The following SLC14A2 variants were observed in gnomAD, a reference collection of about 807,000 sequenced individuals.
SLC14A2 encodes urea transporter 2.
In SLC14A2, 91 loss-of-function variants were observed where a neutral mutation model predicts 104.6. The observed-to-expected ratio is 0.87, with a 90% CI of 0.73 to 1.04. The LOEUF is 1.04. Ranked by LOEUF, SLC14A2 falls within the 50% of genes least tolerant of loss-of-function variation. SLC14A2 has a pLI of 0.00. For missense variants in SLC14A2, 1,189 were observed against 1,156.0 expected, an observed-to-expected ratio of 1.03 and a Z score of -0.41; for synonymous variants, 476 against 466.4, an observed-to-expected ratio of 1.02 and a Z score of -0.27.
chr18:45,496,105 C>T (rs951053509), intron 2 of SLC14A2, among the ~76,000 whole-genome samples: 1 of 152,178 alleles, frequency 6.6e-6, no homozygotes, highest in African/African-American at 2.4e-5. Context: ...AGATGATTCC[C>T]ATTACCAAGG....
At chr18:45,391,573 C>T (rs1427042740) in intron 1 of SLC14A2, among the ~76,000 whole-genome samples, 1 of 152,172 alleles carries the variant, frequency 6.6e-6, no homozygotes, top group Non-Finnish European at 1.5e-5. Context: ...TTCTCCACAT[C>T]CTCTCCAGCA....
At chr18:45,418,330 G>A (rs1188740131) in intron 1 of SLC14A2, among the ~76,000 whole-genome samples, 1 of 152,206 alleles carries the variant, frequency 6.6e-6, no homozygotes, top group Non-Finnish European at 1.5e-5. Context: ...GAGTGGCACA[G>A]AAGTGCCACT....
intron 2 of SLC14A2, among the ~76,000 whole-genome samples, chr18:45,580,280 T>C (rs2044471265): frequency 6.6e-6 from 1 of 152,148 alleles, no homozygotes; most frequent in Non-Finnish European, 1.5e-5. Flanking sequence ...GCATGTACAA[T>C]AAAAGTGTCA....
At chr18:45,639,667 A>C in intron 6 of SLC14A2, 79 bp from the exon 7 acceptor site, 4 of 1,417,786 alleles carry the variant, frequency 2.8e-6, no homozygotes, top group Non-Finnish European at 3.9e-6. Flanking sequence ...CCCCCGAGGA[A>C]TGGCTCAAAT....
At chr18:45,420,942 T>C (rs1438434936) in intron 1 of SLC14A2, among the ~76,000 whole-genome samples, 4 of 152,100 alleles carry the variant, frequency 2.6e-5, no homozygotes, top group Non-Finnish European at 4.4e-5. Context: ...GGTTTCACCA[T>C]GTTGGCCAGA....
intron 1 of SLC14A2, among the ~76,000 whole-genome samples, chr18:45,311,855 G>A (rs970194214): frequency 1.3e-5 from 2 of 152,210 alleles, no homozygotes; most frequent in Admixed American, 6.5e-5. Context: ...ATGGAGATGG[G>A]GAGATAGTGG....
At chr18:45,505,874 C>G (rs535658148) in intron 2 of SLC14A2, among the ~76,000 whole-genome samples, 7 of 152,292 alleles carry the variant, frequency 4.6e-5, no homozygotes, top group Non-Finnish European at 1.0e-4. Context: ...AAGTAGCTGA[C>G]TGGGATGTGT....
At chr18:45,378,201 A>C (rs2085795896) in intron 1 of SLC14A2, among the ~76,000 whole-genome samples, 1 of 142,578 alleles carries the variant, frequency 7.0e-6, no homozygotes, top group Non-Finnish European at 1.5e-5. Flanking sequence ...TTATTTCTGA[A>C]TTCTCTGGAG....
intron 6 of SLC14A2, among the ~76,000 whole-genome samples, chr18:45,638,937 C>G (rs1386722441): frequency 6.6e-6 from 1 of 152,146 alleles, no homozygotes; most frequent in Non-Finnish European, 1.5e-5. Flanking sequence ...CTTTTTCTGC[C>G]CTCAAAGGAC....
At chr18:45,462,754 G>T (rs1429947598) in intron 1 of SLC14A2, among the ~76,000 whole-genome samples, 1 of 152,096 alleles carries the variant, frequency 6.6e-6, no homozygotes, top group African/African-American at 2.4e-5. Flanking sequence ...AATCAATCTG[G>T]TTTTGCATTT....
At chr18:45,611,302 C>T (rs1169305533), upstream of SLC14A2, among the ~76,000 whole-genome samples, 2 of 152,220 alleles carry the variant, frequency 1.3e-5, no homozygotes, top group Non-Finnish European at 2.9e-5. Flanking sequence ...AGGGACAGCC[C>T]TTCCTCTTGA....
intron 1 of SLC14A2, among the ~76,000 whole-genome samples, chr18:45,299,797 G>C (rs543570821): frequency 6.6e-6 from 1 of 152,146 alleles, no homozygotes; most frequent in African/African-American, 2.4e-5. Flanking sequence ...TGAGGAAAAG[G>C]CAGCAACACC....
chr18:45,311,510 C>A (rs1426835681), intron 1 of SLC14A2, among the ~76,000 whole-genome samples: 4 of 152,174 alleles, frequency 2.6e-5, no homozygotes, highest in East Asian at 3.9e-4. Flanking sequence ...GGCTCCTGAC[C>A]ACCATACTCT....
chr18:45,588,272 G>T (rs1049955861), intron 2 of SLC14A2, among the ~76,000 whole-genome samples: 1 of 152,206 alleles, frequency 6.6e-6, no homozygotes. Context: ...CTGGAGGTCA[G>T]TGAGTCAGGG....
intron 1 of SLC14A2, among the ~76,000 whole-genome samples, chr18:45,411,309 A>C (rs2086213101): frequency 6.6e-6 from 1 of 152,210 alleles, no homozygotes; most frequent in South Asian, 2.1e-4. Context: ...GAAATTGCTA[A>C]TTTAAATTAG....
upstream of SLC14A2, among the ~76,000 whole-genome samples, chr18:45,210,333 C>A (rs2083951383): frequency 6.6e-6 from 1 of 152,170 alleles, no homozygotes; most frequent in Non-Finnish European, 1.5e-5. Context: ...TGGCTCATTC[C>A]TATAATCCCA....
At chr18:45,509,060 G>T (rs2144783158) in intron 2 of SLC14A2, among the ~76,000 whole-genome samples, 1 of 152,226 alleles carries the variant, frequency 6.6e-6, no homozygotes, top group South Asian at 2.1e-4. Context: ...CTCTATCCTG[G>T]AGCCTCCTGT....
At chr18:45,448,999 G>A (rs2086815607) in intron 1 of SLC14A2, among the ~76,000 whole-genome samples, 1 of 152,196 alleles carries the variant, frequency 6.6e-6, no homozygotes, top group Non-Finnish European at 1.5e-5. Flanking sequence ...TGGGCATGTG[G>A]AGCGGACATA....
chr18:45,618,696 A>AAAAAAAAG (rs1555714274), intron 1 of SLC14A2, among the ~76,000 whole-genome samples: 5 of 144,384 alleles, frequency 3.5e-5, no homozygotes, highest in African/African-American at 1.4e-4. Flanking sequence ...AAAAAAAAAA[A>AAAAAAAAG]AAGAAGTAGT....
Sources: allele counts gnomAD v4.1 joint callset (sites outside exome capture counted in the v4.1 genomes callset), GRCh38; gene constraint gnomAD v4.1.1; transcripts MANE v1.5; gene names NCBI Gene and HGNC (gene_info 2026-07-23, HGNC 2026-07-21).